STK10: variants seen among roughly 807,000 people sequenced by gnomAD.
STK10 encodes serine/threonine kinase 10, also known as serine/threonine-protein kinase 10.
Under a neutral mutation model 113.8 loss-of-function variants are expected in STK10, and 78 were observed. The ratio of observed to expected loss-of-function variants is 0.69; its 90% confidence interval spans 0.57 to 0.83. STK10 has a LOEUF of 0.83. STK10 is among the 40% of genes least tolerant of loss of function. STK10 has a pLI of 0.00. For synonymous variants in STK10, 465 were observed against 494.7 expected (o/e 0.94, Z 0.80); for missense variants, 1,109 against 1,280.1 (o/e 0.87, Z 2.04).
chr5:172,166,833 T>G (rs1178664583), intron 1 of STK10, among the ~76,000 whole-genome samples: 3 of 152,162 alleles, frequency 2.0e-5, no homozygotes, highest in Non-Finnish European at 4.4e-5. Flanking sequence ...CTATTATCCC[T>G]CATTCCTGGG....
chr5:172,081,761 G>A (rs1034741416), intron 12 of STK10, among the ~76,000 whole-genome samples: 2 of 152,180 alleles, frequency 1.3e-5, no homozygotes, highest in Non-Finnish European at 2.9e-5. Context: ...TGCCCTGGGG[G>A]CTTCCAGCCT....
At chr5:172,112,085 A>G (rs1769248437) in intron 4 of STK10, among the ~76,000 whole-genome samples, 1 of 152,214 alleles carries the variant, frequency 6.6e-6, no homozygotes, top group Non-Finnish European at 1.5e-5. Context: ...CAGCTATGAA[A>G]TAACATGCAG....
intron 3 of STK10, among the ~76,000 whole-genome samples, chr5:172,119,199 G>C (rs766201757): frequency 6.6e-6 from 1 of 151,984 alleles, no homozygotes; most frequent in Admixed American, 6.6e-5. Flanking sequence ...GGCAGGGAGC[G>C]GGAAGGTGGG....
intron 6 of STK10, 35 bp downstream of exon 6, chr5:172,106,585 G>A (rs1327197722): frequency 1.9e-6 from 3 of 1,593,540 alleles, no homozygotes; most frequent in Non-Finnish European, 2.6e-6. Flanking sequence ...CCCGGCGCAG[G>A]CACCCCGGCA....
chr5:172,135,636 C>T (rs1183856417), intron 2 of STK10, among the ~76,000 whole-genome samples: 1 of 152,154 alleles, frequency 6.6e-6, no homozygotes, highest in Admixed American at 6.5e-5. Context: ...GGCAGTTCCT[C>T]AATATGTTAA....
intron 2 of STK10, among the ~76,000 whole-genome samples, chr5:172,151,490 G>A (rs1171986128): frequency 6.6e-6 from 1 of 152,098 alleles, no homozygotes; most frequent in Non-Finnish European, 1.5e-5. Context: ...GGGATTACAG[G>A]CACACGCCAC....
chr5:172,160,067 C>CG (rs1022959133), intron 1 of STK10, among the ~76,000 whole-genome samples: 2 of 151,238 alleles, frequency 1.3e-5, no homozygotes, highest in Non-Finnish European at 2.9e-5. Flanking sequence ...ACTCGGGAGA[C>CG]GGAGATTGCA....
At chr5:172,141,835 A>G (rs1229885704) in intron 2 of STK10, among the ~76,000 whole-genome samples, 1 of 152,146 alleles carries the variant, frequency 6.6e-6, no homozygotes, top group Non-Finnish European at 1.5e-5. Context: ...GGGCCAAAGG[A>G]AACTGGACAC....
intron 4 of STK10, among the ~76,000 whole-genome samples, chr5:172,110,813 A>C (rs3103581): frequency 0.16 from 23,644 of 152,114 alleles, 2,070 homozygotes; most frequent in African/African-American, 0.24. Flanking sequence ...AAGCACTGTG[A>C]TGCAAGGTCC....
intron 2 of STK10, among the ~76,000 whole-genome samples, chr5:172,128,203 T>C (rs74875936): frequency 0.013 from 1,331 of 98,982 alleles, 20 homozygotes; most frequent in African/African-American, 0.05. Flanking sequence ...AATAGAGCAA[T>C]AGAGGGAGAC....
intron 18 of STK10, 46 bp downstream of exon 18, chr5:172,052,882 CA>C (rs1561787812): frequency 1.3e-6 from 2 of 1,593,070 alleles, no homozygotes; most frequent in Middle Eastern, 2.1e-4. Flanking sequence ...CTGTGCATGG[CA>C]CAGAGCAGAG....
chr5:172,048,386 A>G (rs972126453), intron 18 of STK10, among the ~76,000 whole-genome samples: 5 of 137,276 alleles, frequency 3.6e-5, no homozygotes, highest in African/African-American at 1.2e-4. Context: ...CCTTAAAATA[A>G]CTAAATCAAT....
At position 172,093,075 on chromosome 5, in the gene STK10, C is replaced by T. The variant is rs1437557267; in HGVS notation, c.1554+337G>A. 6.6e-6 allele frequency among the ~76,000 whole-genome samples: 1 copy of T among 152,204 alleles called. No individual in the cohort carries two copies. Among genetic ancestry groups the T allele is most frequent in the African/African-American group, 2.4e-5 (1 of 41,452 alleles). Reference sequence around the variant, plus strand: ...GGGGAAGATGGCTTTGAGCTGTTTCCTTTAGTTGGATTTACCAGTTATCAG... The same window carrying T: ...GGGGAAGATGGCTTTGAGCTGTTTCTTTTAGTTGGATTTACCAGTTATCAG... On this transcript the variant is annotated intron_variant, in intron 9 of 18. Transcript: ENST00000176763. The surrounding 1 kb of genome is among the most constrained non-coding windows in gnomAD (Gnocchi z 4.1).
chr5:172,117,701 G>A (rs921928083), intron 3 of STK10, 71 bp from the exon 4 acceptor site: 28 of 1,583,476 alleles, frequency 1.8e-5, no homozygotes, highest in East Asian at 1.6e-4. Context: ...TCAGGCCCAC[G>A]CCAGGGAGAA....
At chr5:172,155,551 T>A (rs78897759) in intron 2 of STK10, among the ~76,000 whole-genome samples, 2 of 141,506 alleles carry the variant, frequency 1.4e-5, no homozygotes, top group Admixed American at 1.4e-4. Flanking sequence ...CACAAAAAAA[T>A]CCAAAGATGT....
At chr5:172,165,887 G>C (rs895330051) in intron 1 of STK10, among the ~76,000 whole-genome samples, 2 of 151,686 alleles carry the variant, frequency 1.3e-5, no homozygotes, top group African/African-American at 2.4e-5. Flanking sequence ...TCCACCTCCC[G>C]GATTCAAGTG....
At chr5:172,185,084 G>C (rs1044040962) in intron 1 of STK10, among the ~76,000 whole-genome samples, 3 of 152,090 alleles carry the variant, frequency 2.0e-5, no homozygotes, top group African/African-American at 7.2e-5. Context: ...GGAGTCTTAA[G>C]GGACTAAAGC....
At chr5:172,142,480 A>G (rs1349730646) in intron 2 of STK10, among the ~76,000 whole-genome samples, 1 of 152,212 alleles carries the variant, frequency 6.6e-6, no homozygotes, top group Non-Finnish European at 1.5e-5. Context: ...GGCAGTTAGC[A>G]GTTTAACCTG....
Position 172,050,030 on chromosome 5 carries a change from T to G in STK10, c.2766+2899A>C, listed in dbSNP as rs993328988. Reference sequence around the variant, plus strand: ...GTTGGCCAGGCTGGTCTCGAACTCTTAACCTCAGGTGATCCACCCGCCTTG... The same window carrying G: ...GTTGGCCAGGCTGGTCTCGAACTCTGAACCTCAGGTGATCCACCCGCCTTG... On this transcript the variant is annotated intron_variant, in intron 18 of 18. Transcript: ENST00000176763. Among the ~76,000 whole-genome samples, 3 of 152,192 alleles carry G rather than the reference T, an allele frequency of 2.0e-5. No homozygotes were observed. The East Asian group carries it at 5.8e-4, about 29-fold the overall frequency.
Sources: allele counts gnomAD v4.1 joint callset (sites outside exome capture counted in the v4.1 genomes callset), GRCh38; gene constraint gnomAD v4.1.1; non-coding constraint Gnocchi (gnomAD v3.1); transcripts MANE v1.5; gene names NCBI Gene and HGNC (gene_info 2026-07-23, HGNC 2026-07-21).